GNAQ: variants seen among roughly 807,000 people sequenced by gnomAD.
GNAQ encodes the protein G protein subunit alpha q.
In GNAQ, 8 loss-of-function variants were observed where a neutral mutation model predicts 43.9. The ratio of observed to expected loss-of-function variants is 0.18; its 90% CI spans 0.11 to 0.33. The LOEUF is 0.33. Ranked by LOEUF, GNAQ falls within the 10% of genes least tolerant of loss-of-function variation. The probability of loss-of-function intolerance (pLI) is 1.00; values close to 1 mark genes in which losing one functional copy is unlikely to be tolerated. For missense variants in GNAQ, 158 were observed against 450.8 expected, an observed-to-expected ratio of 0.35 and a Z score of 5.88; for synonymous variants, 155 against 170.7, an observed-to-expected ratio of 0.91 and a Z score of 0.71.
chr9:77,795,362 G>C (rs1826640669), intron 4 of GNAQ, among the ~76,000 whole-genome samples: 1 of 152,170 alleles, frequency 6.6e-6, no homozygotes, highest in South Asian at 2.1e-4. Flanking sequence ...ATGTATGTCT[G>C]AAAATATCTA....
chr9:77,858,314 C>T (rs934052881), intron 2 of GNAQ, among the ~76,000 whole-genome samples: 2 of 152,140 alleles, frequency 1.3e-5, no homozygotes, highest in African/African-American at 2.4e-5. Flanking sequence ...CAATACAATA[C>T]GTAGTCTGAC....
intron 6 of GNAQ, among the ~76,000 whole-genome samples, chr9:77,728,157 G>A (rs1825429211): frequency 1.3e-5 from 2 of 152,034 alleles, no homozygotes. Flanking sequence ...ACCACGCCCA[G>A]CTAATTTTTA....
chr9:77,923,995 G>A (rs1228364972), intron 1 of GNAQ, among the ~76,000 whole-genome samples: 1 of 152,188 alleles, frequency 6.6e-6, no homozygotes, highest in African/African-American at 2.4e-5. Flanking sequence ...GACTGCAGAT[G>A]TCTTGGTAAA....
intron 1 of GNAQ, among the ~76,000 whole-genome samples, chr9:77,960,514 C>A (rs1300290980): frequency 6.6e-6 from 1 of 152,080 alleles, no homozygotes; most frequent in East Asian, 1.9e-4. Flanking sequence ...TCTCTGAGAG[C>A]TAAAGGAGGT....
At chr9:77,895,753 G>GT (rs1466785430) in intron 2 of GNAQ, among the ~76,000 whole-genome samples, 2 of 152,176 alleles carry the variant, frequency 1.3e-5, no homozygotes, top group Admixed American at 1.3e-4. Flanking sequence ...GACCTGGTGG[G>GT]AGATGACTGA....
At chr9:77,910,660 A>G (rs921732400) in intron 2 of GNAQ, among the ~76,000 whole-genome samples, 5 of 152,100 alleles carry the variant, frequency 3.3e-5, no homozygotes, top group Non-Finnish European at 7.4e-5. Flanking sequence ...CAGCCATATC[A>G]GTTTCTGTTG....
intron 3 of GNAQ, among the ~76,000 whole-genome samples, chr9:77,811,424 A>C (rs1826921955): frequency 6.6e-6 from 1 of 152,170 alleles, no homozygotes; most frequent in African/African-American, 2.4e-5. Context: ...TATACACAAA[A>C]AAGTCAGAAA....
At chr9:77,829,099 G>A (rs1827255646) in intron 2 of GNAQ, among the ~76,000 whole-genome samples, 1 of 152,114 alleles carries the variant, frequency 6.6e-6, no homozygotes, top group African/African-American at 2.4e-5. Flanking sequence ...GGAACTTGGG[G>A]AAGCAGCTAT....
intron 5 of GNAQ, among the ~76,000 whole-genome samples, chr9:77,729,514 CAT>C (rs1032830665): frequency 6.6e-5 from 10 of 151,780 alleles, no homozygotes; most frequent in African/African-American, 2.2e-4. Context: ...AAAAAAAAAA[CAT>C]ATCAGCCAAA....
At chr9:77,982,355 T>G (rs1304828018) in intron 1 of GNAQ, among the ~76,000 whole-genome samples, 4 of 152,182 alleles carry the variant, frequency 2.6e-5, no homozygotes, top group Admixed American at 2.0e-4. Context: ...AAACAAAAAT[T>G]TTTTTAATTG....
chr9:77,981,181 T>A (rs186629677), intron 1 of GNAQ, among the ~76,000 whole-genome samples: 421 of 152,238 alleles, frequency 2.8e-3, no homozygotes, highest in Non-Finnish European at 4.8e-3. Flanking sequence ...TTTCCCTATC[T>A]CTCCATAAAG....
chr9:77,878,973 G>A (rs1426730021), intron 2 of GNAQ, among the ~76,000 whole-genome samples: 2 of 152,050 alleles, frequency 1.3e-5, no homozygotes, highest in Non-Finnish European at 2.9e-5. Flanking sequence ...TTGAACTCAG[G>A]AGGAGGAAGT....
chr9:77,985,579 A>T (rs7864651), intron 1 of GNAQ, among the ~76,000 whole-genome samples: 47,755 of 151,862 alleles, frequency 0.31, 7,861 homozygotes, highest in South Asian at 0.44. Context: ...TATAATTTTT[A>T]ATTTTTCTAT....
intron 1 of GNAQ, among the ~76,000 whole-genome samples, chr9:77,979,385 T>C (rs1823341876): frequency 6.6e-6 from 1 of 151,206 alleles, no homozygotes; most frequent in Admixed American, 6.6e-5. Context: ...TTAAATTAAA[T>C]TAAAATTAAA....
intron 1 of GNAQ, among the ~76,000 whole-genome samples, chr9:77,997,364 C>G (rs955704413): frequency 6.6e-6 from 1 of 152,202 alleles, no homozygotes; most frequent in Non-Finnish European, 1.5e-5. Context: ...ACTCTCATAT[C>G]TCCAGAGATT....
chr9:78,003,940 T>C (rs909503232), intron 1 of GNAQ, among the ~76,000 whole-genome samples: 1 of 151,876 alleles, frequency 6.6e-6, no homozygotes, highest in Admixed American at 6.6e-5. Context: ...AAGCATAATA[T>C]GCACTAAATG....
chr9:77,984,342 T>C (rs1823407619), intron 1 of GNAQ, among the ~76,000 whole-genome samples: 1 of 151,914 alleles, frequency 6.6e-6, no homozygotes, highest in Admixed American at 6.6e-5. Flanking sequence ...TAATTTTTCG[T>C]ATTCTTTGTA....
chr9:77,875,938 ACATGCAGCAG>A (rs1200113311), intron 2 of GNAQ, among the ~76,000 whole-genome samples: 1 of 152,216 alleles, frequency 6.6e-6, no homozygotes, highest in African/African-American at 2.4e-5. Flanking sequence ...GAGGTGCATG[ACATGCAGCAG>A]CATTTCCCCA....
At chr9:77,948,522 G>T (rs1020801965) in intron 1 of GNAQ, among the ~76,000 whole-genome samples, 1 of 152,140 alleles carries the variant, frequency 6.6e-6, no homozygotes, top group African/African-American at 2.4e-5. Context: ...ACAGAGGGGG[G>T]GCAGATGACT....
Sources: allele counts gnomAD v4.1 joint callset (sites outside exome capture counted in the v4.1 genomes callset), GRCh38; gene constraint gnomAD v4.1.1; transcripts MANE v1.5; gene names NCBI Gene and HGNC (gene_info 2026-07-23, HGNC 2026-07-21).